The following COMMD5 variants were observed in gnomAD, a reference collection of about 807,000 sequenced individuals.
COMMD5 encodes COMM domain containing 5, also known as COMM domain-containing protein 5.
In COMMD5, 10 loss-of-function variants were observed where a neutral mutation model predicts 6.9. The observed-to-expected ratio is 1.44, with a 90% confidence interval of 0.89 to 2.45. The LOEUF is 2.45. COMMD5 is among the 30% of genes most tolerant of loss of function. COMMD5 has a pLI of 0.00. For missense variants in COMMD5, 234 were observed against 287.8 expected (o/e 0.81, Z 1.35); for synonymous variants, 127 against 125.3 (o/e 1.01, Z -0.09).
chr8:144,843,408 G>A (rs540936645), intron 1 of COMMD5: 15 of 405,276 alleles, frequency 3.7e-5, no homozygotes, highest in East Asian at 3.3e-4. Context: ...GGTAACAGGT[G>A]AAACCCCATC....
At chr8:144,847,114 T>G (rs1274685484), downstream of COMMD5, 1 of 152,188 alleles carries the variant, frequency 6.6e-6, no homozygotes, top group Admixed American at 6.5e-5. Flanking sequence ...CTGCACAGCT[T>G]TGAGATCTGA....
At chr8:144,841,056 C>G in exon 2 of COMMD5, 1 of 328,210 alleles carries the variant, frequency 3.0e-6, no homozygotes, top group East Asian at 5.6e-5. Context: ...TCTCCTTTGC[C>G]TCTGCATGGA....
At chr8:144,839,241 C>G (rs867731198), downstream of COMMD5, among the ~76,000 whole-genome samples, 13 of 152,168 alleles carry the variant, frequency 8.5e-5, no homozygotes, top group South Asian at 1.7e-3. Context: ...ATTCATATGC[C>G]CCTAGGCAGC....
intron 1 of COMMD5, chr8:144,842,986 G>T (rs1489012829): frequency 3.1e-6 from 5 of 1,614,208 alleles, no homozygotes; most frequent in Non-Finnish European, 4.2e-6. Context: ...CCGTAAAAAG[G>T]TTAATACTAT....
intron 1 of COMMD5, chr8:144,842,308 G>A (rs1236732958): frequency 1.9e-6 from 3 of 1,613,976 alleles, no homozygotes; most frequent in East Asian, 4.5e-5. Flanking sequence ...TCCAAGCCTT[G>A]TTGCACATCA....
chr8:144,850,724 G>A lies in COMMD5; in HGVS notation c.615C>T (p.Ala205=). 1 of 1,614,084 alleles carries A rather than the reference G, an allele frequency of 6.2e-7. No individual in the cohort carries two copies. Among genetic ancestry groups the A allele is most frequent in the South Asian group, 1.1e-5 (1 of 91,070 alleles). The change falls in exon 2 of 2, where the codon GCC becomes GCT. Residue 205 remains alanine (A), a synonymous_variant. Coordinates refer to ENST00000305103, the MANE Select transcript of COMMD5 (RefSeq NM_014066.4). The surrounding 1 kb of genome is among the most constrained non-coding windows in gnomAD (Gnocchi z 4.0). The part of the protein sequence containing the change: ...AKFQELRYSV[A]LVLKEMADLE... ...GATCTGCCATCTCCTTTAGGACCAG[G>A]GCCACGCTGTACCGCAGCTCCTGGA... is the stretch of plus-strand genomic sequence containing the variant.
chr8:144,841,199 CAA>C, exon 2 of COMMD5: 1 of 744,662 alleles, frequency 1.3e-6, no homozygotes, highest in Non-Finnish European at 2.2e-6. Context: ...TGAGAACTGT[CAA>C]AGGCTCTGCC....
intron 1 of COMMD5, among the ~76,000 whole-genome samples, chr8:144,851,902 G>A (rs1159475515): frequency 1.3e-5 from 2 of 152,118 alleles, no homozygotes; most frequent in African/African-American, 4.8e-5. Flanking sequence ...CTTTGTGAAG[G>A]TGAGGCCAGC....
rs776822921 is a variant in COMMD5 at position 144,841,741 on chromosome 8, G to A, written c.*119C>T. The A allele has an allele frequency of 1.2e-5, 19 of 1,614,012 alleles. No homozygotes were observed. Among genetic ancestry groups the A allele is most frequent in the African/African-American group, 8.0e-5 (6 of 74,926 alleles). ...AGGCATCAGAGCCACTTCAGATATC[G>A]CTCTGCATTGGGAAATTAATACACA... is the stretch of plus-strand genomic sequence containing the variant. On this transcript the variant is annotated splice_region_variant and 3_prime_UTR_variant and NMD_transcript_variant, in exon 2 of 2. Transcript: ENST00000530332.
downstream of COMMD5, among the ~76,000 whole-genome samples, chr8:144,839,010 ACC>A (rs1829482500): frequency 6.8e-6 from 1 of 146,792 alleles, no homozygotes; most frequent in African/African-American, 2.5e-5. Flanking sequence ...AGGGGCTGTG[ACC>A]TTACTTCCAT....
Position 144,851,251 on chromosome 8 carries a change from G to A in COMMD5, c.88C>T (p.Pro30Ser), listed in dbSNP as rs546989702. The A allele has an allele frequency of 3.1e-6, 5 of 1,614,064 alleles. No individual in the cohort carries two copies. In the African/African-American group the frequency reaches 5.3e-5, roughly 17 times the overall value. The change falls in exon 2 of 2, where the codon CCT becomes TCT. Residue 30 changes from proline to serine, a missense_variant. Pro to Ser is a moderately conservative substitution (Grantham distance 74). Coordinates refer to ENST00000305103, the MANE Select transcript of COMMD5 (RefSeq NM_014066.4). ...GRVSFLGAQL[P>S]PEVAAMARLL... is the part of the protein sequence containing the mutation. ...CGGGCCATTGCTGCCACCTCTGGAGGAAGCTGGGCCCCCAAGAAACTCACT... is the reference window on the plus strand; with the variant it reads ...CGGGCCATTGCTGCCACCTCTGGAGAAAGCTGGGCCCCCAAGAAACTCACT...
chr8:144,843,592 A>C (rs1830294461), intron 1 of COMMD5: 1 of 150,342 alleles, frequency 6.7e-6, no homozygotes, highest in Non-Finnish European at 1.5e-5. Context: ...CCTCTCAAAA[A>C]AAAAAAAAAA....
downstream of COMMD5, among the ~76,000 whole-genome samples, chr8:144,839,459 T>C (rs553817189): frequency 6.6e-6 from 1 of 152,340 alleles, no homozygotes; most frequent in South Asian, 2.1e-4. Context: ...CAGCCGCCCA[T>C]TAAAATGTCT....
chr8:144,842,119 G>A, intron 1 of COMMD5: 2 of 1,614,180 alleles, frequency 1.2e-6, no homozygotes, highest in Middle Eastern at 1.6e-4. Flanking sequence ...TGGTTGTCGT[G>A]AGTGTGGGAA....
chr8:144,849,704 C>T (rs897148592), downstream of COMMD5, among the ~76,000 whole-genome samples: 12 of 152,132 alleles, frequency 7.9e-5, no homozygotes, highest in Non-Finnish European at 1.8e-4. Flanking sequence ...AACCCCTGCA[C>T]ACACCTGCCC....
At position 144,850,453 on chromosome 8, in the gene COMMD5, C is replaced by T; in HGVS notation, c.*211G>A. 1.7e-6 allele frequency: 1 copy of T among 598,200 alleles called. No individual in the cohort carries two copies. Among genetic ancestry groups the T allele is most frequent in the South Asian group, 2.3e-5 (1 of 44,176 alleles). The allele number at this position is 598,200 out of a possible 1,614,324, so 37.1% of individuals were successfully genotyped here. A position where few individuals can be genotyped will look rare whatever the true frequency, so the allele number is the denominator to read the frequency against. ...GAGGTCCAACACTCACCTATAGAAACATGTTTTTAGCTGCTTTACTTCCAA... is the reference window on the plus strand; with the variant it reads ...GAGGTCCAACACTCACCTATAGAAATATGTTTTTAGCTGCTTTACTTCCAA... On this transcript the variant is annotated 3_prime_UTR_variant, in exon 2 of 2. Transcript: ENST00000305103. The surrounding 1 kb of genome is among the most constrained non-coding windows in gnomAD (Gnocchi z 4.0).
At position 144,850,646 on chromosome 8, in the gene COMMD5, G is replaced by A. The variant is rs896543892; in HGVS notation, c.*18C>T. ...GCCTGTCCAAGCCGGATCTGAATGG[G>A]ACTGGTCAAGTGAGGGGTCAGTCCT... On this transcript the variant is annotated 3_prime_UTR_variant, in exon 2 of 2. Coordinates refer to ENST00000305103, the MANE Select transcript of COMMD5 (RefSeq NM_014066.4). The surrounding 1 kb of genome is among the most constrained non-coding windows in gnomAD (Gnocchi z 4.0). 6.2e-7 allele frequency: 1 copy of A among 1,605,784 alleles called. No homozygotes were observed. The highest frequency in any genetic ancestry group is 8.5e-7 in the Non-Finnish European group (1 of 1,175,020).
downstream of COMMD5, chr8:144,845,941 C>G (rs1448134830): frequency 6.5e-7 from 1 of 1,530,518 alleles, no homozygotes; most frequent in South Asian, 1.2e-5. Flanking sequence ...ACCTTCAGGT[C>G]TAGCACAGGG....
downstream of COMMD5, chr8:144,838,056 G>GCC (rs34966207): frequency 2.8e-6 from 2 of 702,532 alleles, no homozygotes; most frequent in African/African-American, 1.7e-5. Flanking sequence ...GCAGGGCCGT[G>GCC]CCCCCCTGTG....
Sources: allele counts gnomAD v4.1 joint callset (sites outside exome capture counted in the v4.1 genomes callset), GRCh38; gene constraint gnomAD v4.1.1; non-coding constraint Gnocchi (gnomAD v3.1); transcripts MANE v1.5; gene names NCBI Gene and HGNC (gene_info 2026-07-23, HGNC 2026-07-21).